The following SLIT3 variants were observed in gnomAD, a reference collection of about 807,000 sequenced individuals.
SLIT3 encodes slit guidance ligand 3.
A neutral mutation model predicts 184.0 loss-of-function variants in SLIT3; 68 were observed. The observed-to-expected ratio is 0.37, with a 90% CI of 0.30 to 0.45. SLIT3 has a LOEUF of 0.45. Ranked by LOEUF, SLIT3 falls within the 20% of genes least tolerant of loss-of-function variation. The probability of loss-of-function intolerance (pLI) is 1.00; values close to 1 mark genes in which losing one functional copy is unlikely to be tolerated. For missense variants in SLIT3, 1,707 were observed against 2,026.0 expected, an observed-to-expected ratio of 0.84 and a Z score of 3.02; for synonymous variants, 831 against 828.6, an observed-to-expected ratio of 1.00 and a Z score of -0.05.
intron 8 of SLIT3, among the ~76,000 whole-genome samples, chr5:168,807,501 T>A (rs141227252): frequency 1.9e-4 from 29 of 152,292 alleles, no homozygotes; most frequent in African/African-American, 6.5e-4. Flanking sequence ...CAAATGTGGA[T>A]TTTTTGGTCC....
intron 4 of SLIT3, among the ~76,000 whole-genome samples, chr5:168,968,837 T>C (rs1159282802): frequency 6.6e-6 from 1 of 152,210 alleles, no homozygotes; most frequent in Non-Finnish European, 1.5e-5. Context: ...GCTCTGACTC[T>C]TTCTAGCCGT....
chr5:168,746,542 G>GT, intron 20 of SLIT3, among the ~76,000 whole-genome samples: 1 of 130,662 alleles, frequency 7.7e-6, no homozygotes. Flanking sequence ...GGTGTGTGGT[G>GT]GTGTGCGGTG....
Position 168,777,089 on chromosome 5 carries a change from A to T in SLIT3, c.1152-2711T>A, listed in dbSNP as rs1000061035. Among the ~76,000 whole-genome samples the T allele has an allele frequency of 4.1e-4, 31 of 76,082 alleles. 1 individual carries two copies. The highest frequency in any genetic ancestry group is 1.4e-3 in the East Asian group (3 of 2,074). 49.9% of individuals were successfully genotyped at this position (76,082 alleles called of 152,430 possible). ...AACACACACACACACACACACACAC[A>T]CACACACACACACACACCCCCCATA... On this transcript the variant is annotated intron_variant, in intron 12 of 35. Transcript: ENST00000519560.
At chr5:168,809,720 C>T (rs1215314741) in intron 8 of SLIT3, among the ~76,000 whole-genome samples, 2 of 152,182 alleles carry the variant, frequency 1.3e-5, no homozygotes, top group African/African-American at 4.8e-5. Flanking sequence ...AAGCACGGAC[C>T]CATAAGCATA....
chr5:168,868,868 G>A (rs1759410255), intron 5 of SLIT3, among the ~76,000 whole-genome samples: 1 of 152,072 alleles, frequency 6.6e-6, no homozygotes, highest in African/African-American at 2.4e-5. Flanking sequence ...AGGAGAAGCA[G>A]TGTGCCCAAG....
chr5:169,252,127 G>A (rs1765796256), intron 1 of SLIT3, among the ~76,000 whole-genome samples: 1 of 152,116 alleles, frequency 6.6e-6, no homozygotes, highest in East Asian at 1.9e-4. Flanking sequence ...GCCTGACTTT[G>A]GTATGTAGCT....
At chr5:168,877,846 CAG>C (rs1312645986) in intron 5 of SLIT3, among the ~76,000 whole-genome samples, 1 of 147,388 alleles carries the variant, frequency 6.8e-6, no homozygotes, top group African/African-American at 2.5e-5. Context: ...CTGAGAAAGA[CAG>C]GGCAAGGGGA....
At chr5:168,925,410 C>T (rs1581216520) in intron 4 of SLIT3, among the ~76,000 whole-genome samples, 2 of 152,286 alleles carry the variant, frequency 1.3e-5, no homozygotes, top group South Asian at 4.1e-4. Context: ...ATATCCAGAG[C>T]TGTAGCTCCA....
chr5:169,027,839 T>C (rs1174112004), intron 4 of SLIT3, among the ~76,000 whole-genome samples: 1 of 152,154 alleles, frequency 6.6e-6, no homozygotes, highest in Non-Finnish European at 1.5e-5. Context: ...CCTGAAGCAT[T>C]AGTGGTTCAA....
chr5:169,285,280 T>G (rs1475200525), intron 1 of SLIT3, among the ~76,000 whole-genome samples: 3 of 152,340 alleles, frequency 2.0e-5, no homozygotes, highest in East Asian at 3.9e-4. Flanking sequence ...CCACCAAATC[T>G]GCTGCCTATC....
chr5:169,015,515 A>G (rs1248446731), intron 4 of SLIT3, among the ~76,000 whole-genome samples: 2 of 152,246 alleles, frequency 1.3e-5, no homozygotes, highest in Admixed American at 1.3e-4. Context: ...CATAATCCAT[A>G]GCTGTGTAAC....
intron 4 of SLIT3, among the ~76,000 whole-genome samples, chr5:169,167,377 C>T (rs928470004): frequency 2.0e-5 from 3 of 149,810 alleles, no homozygotes; most frequent in African/African-American, 4.9e-5. Flanking sequence ...CAAGTTTGCG[C>T]CATTCTCCTG....
intron 4 of SLIT3, among the ~76,000 whole-genome samples, chr5:168,916,700 T>A (rs925013359): frequency 6.6e-6 from 1 of 152,244 alleles, no homozygotes; most frequent in Non-Finnish European, 1.5e-5. Context: ...ATAAAAACAC[T>A]ATCAATTCCA....
chr5:168,846,154 T>A (rs1343153257), intron 5 of SLIT3, among the ~76,000 whole-genome samples: 1 of 152,186 alleles, frequency 6.6e-6, no homozygotes, highest in African/African-American at 2.4e-5. Context: ...ACAGACAGAC[T>A]CTGTCACGAT....
chr5:169,070,846 C>T (rs767720796), intron 4 of SLIT3, among the ~76,000 whole-genome samples: 2 of 150,988 alleles, frequency 1.3e-5, no homozygotes, highest in Admixed American at 6.6e-5. Flanking sequence ...AAAACAAAAG[C>T]CTGAAGCCCT....
At chr5:169,058,991 C>T (rs928730336) in intron 4 of SLIT3, among the ~76,000 whole-genome samples, 1 of 152,156 alleles carries the variant, frequency 6.6e-6, no homozygotes, top group African/African-American at 2.4e-5. Flanking sequence ...GTGTCCAAAG[C>T]CAGGGACCCA....
Position 169,248,490 on chromosome 5 carries a change from A to G in SLIT3, c.269+2898T>C, listed in dbSNP as rs539480726. On this transcript the variant is annotated intron_variant, in intron 2 of 35. Transcript: ENST00000519560. Reference sequence around the variant, plus strand: ...GAGATGCAAGCCAGGAGCATGCACTAAAAGCCACTGATACCTTCCCCACAT... The same window carrying G: ...GAGATGCAAGCCAGGAGCATGCACTGAAAGCCACTGATACCTTCCCCACAT... 2.6e-5 allele frequency among the ~76,000 whole-genome samples: 4 copies of G among 152,304 alleles called. No homozygotes were observed. The South Asian group carries it at 8.3e-4, about 32-fold the overall frequency.
chr5:169,034,912 A>AGTGTGT (rs112102059), intron 4 of SLIT3, among the ~76,000 whole-genome samples: 1,635 of 132,368 alleles, frequency 0.012, 25 homozygotes, highest in African/African-American at 0.025. Context: ...ACGCCCAGCT[A>AGTGTGT]GTGTGTGTGT....
At chr5:168,750,614 G>A (rs753730887) in intron 18 of SLIT3, among the ~76,000 whole-genome samples, 5 of 152,104 alleles carry the variant, frequency 3.3e-5, no homozygotes, top group African/African-American at 4.8e-5. Context: ...CTGCCCTTCT[G>A]GGCATCTTAG....
Sources: allele counts gnomAD v4.1 joint callset (sites outside exome capture counted in the v4.1 genomes callset), GRCh38; gene constraint gnomAD v4.1.1; transcripts MANE v1.5; gene names NCBI Gene and HGNC (gene_info 2026-07-23, HGNC 2026-07-21).